The following LHFPL2 variants were observed in gnomAD, a reference collection of about 807,000 sequenced individuals.
LHFPL2 encodes the protein LHFPL tetraspan subfamily member 2 protein.
In LHFPL2, 7 loss-of-function variants were observed where a neutral mutation model predicts 17.5. That is an observed-to-expected ratio of 0.40 (90% CI 0.23 to 0.75). The LOEUF (loss-of-function observed/expected upper bound fraction) is 0.75. Ranked by LOEUF, LHFPL2 falls within the 30% of genes least tolerant of loss-of-function variation. The pLI is 0.37. For missense variants in LHFPL2, 241 were observed against 294.8 expected, an observed-to-expected ratio of 0.82 and a Z score of 1.34; for synonymous variants, 134 against 116.2, an observed-to-expected ratio of 1.15 and a Z score of -0.99.
At chr5:78,492,502 A>AT (rs1754478199) in intron 4 of LHFPL2, among the ~76,000 whole-genome samples, 1 of 152,108 alleles carries the variant, frequency 6.6e-6, no homozygotes, top group Non-Finnish European at 1.5e-5. Flanking sequence ...TACAATCCTT[A>AT]TTTTTGATAG....
chr5:78,646,377 C>A (rs1359969782), intron 1 of LHFPL2, among the ~76,000 whole-genome samples: 2 of 152,328 alleles, frequency 1.3e-5, no homozygotes, highest in South Asian at 4.1e-4. Flanking sequence ...ATTTGGAATA[C>A]CTGATAATCA....
intron 2 of LHFPL2, among the ~76,000 whole-genome samples, chr5:78,586,080 G>A (rs1039452537): frequency 2.6e-5 from 4 of 152,200 alleles, no homozygotes; most frequent in Non-Finnish European, 5.9e-5. Context: ...GGTTTAAGTA[G>A]CAGCTTCATC....
At chr5:78,593,754 TCCATACACAG>T (rs1561356626) in intron 2 of LHFPL2, among the ~76,000 whole-genome samples, 18 of 152,042 alleles carry the variant, frequency 1.2e-4, no homozygotes, top group African/African-American at 4.3e-4. Context: ...ACCTGAGAGC[TCCATACACAG>T]CCTAGAGGAG....
Position 78,562,910 on chromosome 5 carries a change from T to C in LHFPL2, c.-186+1903A>G, listed in dbSNP as rs560980535. ...CCCAGAGCAGGATTAAACAGGCCAG[T>C]CTGGCAGTGACCAGGGTGACAACCC... is the stretch of plus-strand genomic sequence containing the variant. On this transcript the variant is annotated intron_variant, in intron 3 of 4. Transcript: ENST00000380345. Among the ~76,000 whole-genome samples the C allele has an allele frequency of 2.4e-4, 36 of 152,306 alleles. No individual in the cohort carries two copies. The East Asian group carries it at 6.0e-3, about 25-fold the overall frequency.
chr5:78,558,150 T>C lies in LHFPL2; in HGVS notation c.-186+6663A>G, dbSNP rs188508291. Among the ~76,000 whole-genome samples, 41 of 152,296 alleles carry C rather than the reference T, an allele frequency of 2.7e-4. No homozygotes were observed. In the East Asian group the frequency reaches 5.0e-3, roughly 19 times the overall value. ...CTTTAGTGGCAAGCAGGGTTTGCTG[T>C]GGTTTGGCATGGGAAATTATTTTAA... On this transcript the variant is annotated intron_variant, in intron 3 of 4. Transcript: ENST00000380345.
At chr5:78,625,206 TAC>T (rs34765678) in intron 2 of LHFPL2, 10,236 of 148,162 alleles carry the variant, frequency 0.069, 1,082 homozygotes, top group African/African-American at 0.23. Flanking sequence ...ATTCTATACG[TAC>T]ACACACACAC....
At chr5:78,508,532 C>T (rs1428862) in intron 4 of LHFPL2, among the ~76,000 whole-genome samples, 31,976 of 152,118 alleles carry the variant, frequency 0.21, 5,956 homozygotes, top group African/African-American at 0.49. Flanking sequence ...CTCCTAAGAT[C>T]TGAGGAACAG....
chr5:78,490,152 C>G (rs907123429), intron 4 of LHFPL2, among the ~76,000 whole-genome samples: 2 of 152,242 alleles, frequency 1.3e-5, no homozygotes, highest in Non-Finnish European at 2.9e-5. Context: ...GCTGACCCTA[C>G]TACCTTGTCA....
intron 3 of LHFPL2, among the ~76,000 whole-genome samples, chr5:78,520,773 C>CGGTAGAGCATTTCCCAA (rs1755429605): frequency 1.3e-5 from 2 of 152,182 alleles, no homozygotes; most frequent in African/African-American, 4.8e-5. Flanking sequence ...CTTGGGAAAA[C>CGGTAGAGCATTTCCCAA]GGTAGAGCAT....
intron 2 of LHFPL2, among the ~76,000 whole-genome samples, chr5:78,604,738 C>T (rs138189015): frequency 1.3e-5 from 2 of 152,236 alleles, no homozygotes; most frequent in African/African-American, 2.4e-5. Flanking sequence ...AGCTTCTTGA[C>T]GGCTGGCTTT....
intron 1 of LHFPL2, chr5:78,641,906 T>TAG (rs1368345111): frequency 9.3e-6 from 1 of 107,690 alleles, no homozygotes; most frequent in African/African-American, 4.8e-5. Flanking sequence ...ATGTACAGTA[T>TAG]ACACACACAC....
chr5:78,522,905 C>T (rs527269618), intron 3 of LHFPL2, among the ~76,000 whole-genome samples: 20 of 152,194 alleles, frequency 1.3e-4, no homozygotes, highest in Admixed American at 6.5e-4. Flanking sequence ...AGTAAACAGA[C>T]GGTTAATTCA....
At chr5:78,522,469 C>A (rs549953548) in intron 3 of LHFPL2, among the ~76,000 whole-genome samples, 6 of 152,146 alleles carry the variant, frequency 3.9e-5, no homozygotes, top group Non-Finnish European at 5.9e-5. Context: ...AAAGGAGTCT[C>A]TCACATTGCT....
Position 78,510,054 on chromosome 5 carries a change from G to A in LHFPL2, c.160C>T (p.Pro54Ser), listed in dbSNP as rs763209210. ...CCCAGGGTGGGGTGGTAGGGCTCCGGGGAGCCCCCGCCCGGGCCCGCCGGC... is the reference window on the plus strand; with the variant it reads ...CCCAGGGTGGGGTGGTAGGGCTCCGAGGAGCCCCCGCCCGGGCCCGCCGGC... ...VEPAGPGGGS[P>S]EPYHPTLGIY... The change falls in exon 4 of 5, where the codon CCG (proline) becomes TCG (serine). Residue 54 changes from proline (P) to serine (S), a missense_variant. Transcript: ENST00000380345. The A allele has an allele frequency of 6.2e-7, 1 of 1,610,124 alleles. No homozygotes were observed. Among genetic ancestry groups the A allele is most frequent in the South Asian group, 1.1e-5 (1 of 90,726 alleles).
chr5:78,510,674 G>C (rs560478486), intron 3 of LHFPL2, among the ~76,000 whole-genome samples: 5 of 152,264 alleles, frequency 3.3e-5, no homozygotes, highest in African/African-American at 1.2e-4. Context: ...AACCCAGGGG[G>C]CACTGTCCTG....
intron 2 of LHFPL2, among the ~76,000 whole-genome samples, chr5:78,565,113 T>C (rs1561341587): frequency 6.6e-6 from 1 of 152,182 alleles, no homozygotes; most frequent in Non-Finnish European, 1.5e-5. Flanking sequence ...ATGTCCAGCT[T>C]GTGAACATGT....
At chr5:78,562,684 A>T (rs533917791) in intron 3 of LHFPL2, among the ~76,000 whole-genome samples, 4 of 152,042 alleles carry the variant, frequency 2.6e-5, no homozygotes, top group Non-Finnish European at 5.9e-5. Context: ...TCTACAATTC[A>T]GACACAATTA....
chr5:78,646,945 C>T (rs1745905032), intron 1 of LHFPL2, among the ~76,000 whole-genome samples: 1 of 152,166 alleles, frequency 6.6e-6, no homozygotes, highest in Non-Finnish European at 1.5e-5. Context: ...ATGACTGCCC[C>T]TCCCCATCCC....
At chr5:78,554,718 G>A (rs1164903106) in intron 3 of LHFPL2, among the ~76,000 whole-genome samples, 6 of 152,196 alleles carry the variant, frequency 3.9e-5, no homozygotes, top group Non-Finnish European at 5.9e-5. Context: ...GAAACTTTCC[G>A]TGTCACAGCC....
Sources: allele counts gnomAD v4.1 joint callset (sites outside exome capture counted in the v4.1 genomes callset), GRCh38; gene constraint gnomAD v4.1.1; transcripts MANE v1.5; gene names NCBI Gene and HGNC (gene_info 2026-07-23, HGNC 2026-07-21).